The following CT55 variants were observed in gnomAD, a reference collection of about 807,000 sequenced individuals.
CT55 encodes BRCA2-interacting protein.
In CT55, 1 loss-of-function variant was observed where a neutral mutation model predicts 12.6. The observed-to-expected ratio is 0.08, with a 90% CI of 0.03 to 0.38. The LOEUF (loss-of-function observed/expected upper bound fraction) is 0.38. CT55 is among the 10% of genes least tolerant of loss of function. The probability of loss-of-function intolerance (pLI) is 0.99; values close to 1 mark genes in which losing one functional copy is unlikely to be tolerated. For synonymous variants in CT55, 43 were observed against 49.7 expected (o/e 0.87, Z 0.57); for missense variants, 109 against 135.4 (o/e 0.80, Z 0.97).
At chrX:135,165,826 T>C (rs2083581338) in intron 2 of CT55, among the ~76,000 whole-genome samples, 2 of 108,542 alleles carry the variant, frequency 1.8e-5, no homozygotes, top group African/African-American at 6.7e-5. Context: ...CTAGAAGAAA[T>C]GGCTACATTC....
chrX:135,160,443 C>A lies in CT55; in HGVS notation c.392G>T (p.Ser131Ile). ...INEDNIYISNSIYFSIAIVSE... is the reference protein window; with the variant it reads ...INEDNIYISNIIYFSIAIVSE... ...AACAATGGCTATGGAAAAATAAATG[C>A]TGTTACTAATATAAATATTATCTTC... The change falls in exon 3 of 6, where the codon AGC becomes ATC. Residue 131 changes from serine to isoleucine, a missense_variant. Transcript: ENST00000276241. 1 of 1,166,957 alleles carries A rather than the reference C, an allele frequency of 8.6e-7. No homozygotes were observed.
chrX:135,160,973 T>C (rs1190232555), intron 2 of CT55, among the ~76,000 whole-genome samples: 1 of 110,157 alleles, frequency 9.1e-6, no homozygotes, highest in Non-Finnish European at 1.9e-5. Context: ...AGGGAGAAAA[T>C]AGAAGCATTG....
At chrX:135,159,851 CAG>C (rs1452459027) in intron 3 of CT55, among the ~76,000 whole-genome samples, 1 of 110,894 alleles carries the variant, frequency 9.0e-6, no homozygotes, top group Non-Finnish European at 1.9e-5. Context: ...GTAGACAAAA[CAG>C]ACAAAAAAAT....
chrX:135,164,748 C>T (rs1282624119), intron 2 of CT55, among the ~76,000 whole-genome samples: 1 of 111,744 alleles, frequency 8.9e-6, no homozygotes, highest in Admixed American at 9.5e-5. Flanking sequence ...GATATTCTTC[C>T]ATGTAAAGGG....
intron 3 of CT55, among the ~76,000 whole-genome samples, chrX:135,158,544 AG>A (rs782691482): frequency 3.5e-5 from 4 of 112,691 alleles, no homozygotes; most frequent in African/African-American, 1.3e-4. Flanking sequence ...GAAAGTGTGA[AG>A]CATGCATCAC....
intron 2 of CT55, among the ~76,000 whole-genome samples, chrX:135,168,432 C>T (rs1383744006): frequency 9.0e-6 from 1 of 111,474 alleles, no homozygotes; most frequent in African/African-American, 3.3e-5. Context: ...GGTTACCAGA[C>T]GCTTGTGTTG....
chrX:135,171,332 C>T lies in CT55; in HGVS notation c.-161G>A, dbSNP rs1330588920. On this transcript the variant is annotated 5_prime_UTR_variant, in exon 1 of 6. Transcript: ENST00000276241. ...GGGACCCACCCGTTAGTGAGCCCCC[C>T]TCAGGAGAGTCAGGGACACCGCAGC... is the stretch of plus-strand genomic sequence containing the variant. The T allele has an allele frequency of 4.0e-6, 4 of 988,574 alleles. No homozygotes were observed. The highest frequency in any genetic ancestry group is 5.3e-6 in the Non-Finnish European group (4 of 752,369). 81.5% of individuals were successfully genotyped at this position (988,574 alleles called of 1,213,427 possible).
chrX:135,158,846 C>T (rs1556404633), intron 3 of CT55, among the ~76,000 whole-genome samples: 2 of 112,303 alleles, frequency 1.8e-5, no homozygotes, highest in Admixed American at 9.4e-5. Flanking sequence ...TCATCGCTGG[C>T]GCATAGCAAC....
chrX:135,159,468 C>T (rs192546114), intron 3 of CT55, among the ~76,000 whole-genome samples: 3 of 111,251 alleles, frequency 2.7e-5, no homozygotes, highest in South Asian at 3.8e-4. Flanking sequence ...CTCACAACTG[C>T]TCAAATCAAA....
In CT55 at chrX:135,158,344, G is replaced by A. The variant is rs199527703; in HGVS notation, c.425-33C>T. The A allele has an allele frequency of 3.6e-5, 33 of 904,900 alleles. No individual in the cohort carries two copies. In the East Asian group the frequency reaches 1.0e-3, roughly 28 times the overall value. The allele number at this position is 904,900 out of a possible 1,213,427, so 74.6% of individuals were successfully genotyped here. A position where few individuals can be genotyped will look rare whatever the true frequency, so the allele number is the denominator to read the frequency against. On this transcript the variant is annotated intron_variant, in intron 3 of 5. Coordinates refer to ENST00000276241, the MANE Select transcript of CT55 (RefSeq NM_001031705.3). ...AGCCATGGAGAAATGTGAGTGTCAT[G>A]ATCTCTTAACTAGGTCACTTTTAAT...
chrX:135,160,730 G>A (rs1199304512), intron 2 of CT55, among the ~76,000 whole-genome samples, 175 bp from the exon 3 acceptor site: 14 of 112,130 alleles, frequency 1.2e-4, no homozygotes, highest in African/African-American at 3.2e-4. Context: ...AGTCATGTGC[G>A]TGCTTCAAGA....
chrX:135,164,912 G>C (rs1556405738), intron 2 of CT55, among the ~76,000 whole-genome samples: 1 of 111,916 alleles, frequency 8.9e-6, no homozygotes, highest in African/African-American at 3.2e-5. Context: ...ACCCAACATA[G>C]CAGCACCTAA....
At chrX:135,166,170 T>C (rs1287790941) in intron 2 of CT55, among the ~76,000 whole-genome samples, 1 of 107,599 alleles carries the variant, frequency 9.3e-6, no homozygotes, top group Non-Finnish European at 1.9e-5. Flanking sequence ...AAAAACTACA[T>C]GCCAAAATTC....
intron 2 of CT55, among the ~76,000 whole-genome samples, chrX:135,166,500 A>C (rs1254708011): frequency 3.6e-5 from 4 of 111,954 alleles, no homozygotes; most frequent in African/African-American, 1.3e-4. Context: ...AGATAACATC[A>C]TACTGAATGG....
Position 135,171,059 on chromosome X carries a change from G to A in CT55, c.94+19C>T. 1.7e-6 allele frequency: 2 copies of A among 1,209,544 alleles called. No individual in the cohort carries two copies. Among genetic ancestry groups the A allele is most frequent in the Non-Finnish European group, 2.2e-6 (2 of 894,119 alleles). The stretch of plus-strand genomic sequence containing the variant: ...GGAGGCTTCTGGGGTGGGGGACAAG[G>A]GGACACACAGAGGAATACCTTGTGG... On this transcript the variant is annotated intron_variant, in intron 1 of 5. Coordinates refer to ENST00000276241, the MANE Select transcript of CT55 (RefSeq NM_001031705.3).
Position 135,171,165 on chromosome X carries a change from T to G in CT55, c.7A>C (p.Arg3=). ML[R]LLRLALAFYG... is the part of the protein sequence containing the mutation. ...AAGGCCAAAGCAAGTCTCAGAAGCC[T>G]GAGCATCGTCCCAGTTGTCACCACC... The change falls in exon 1 of 6, where the codon AGG becomes CGG. Residue 3 remains arginine, a synonymous_variant. Coordinates refer to ENST00000276241, the MANE Select transcript of CT55 (RefSeq NM_001031705.3). 2 of 1,211,611 alleles carry G rather than the reference T, an allele frequency of 1.7e-6. No homozygotes were observed. The highest frequency in any genetic ancestry group is 2.2e-6 in the Non-Finnish European group (2 of 895,355).
At chrX:135,171,441 A>C, upstream of CT55, 1 of 352,060 alleles carries the variant, frequency 2.8e-6, no homozygotes, top group Non-Finnish European at 4.6e-6. Flanking sequence ...CTGTCCAACC[A>C]ATGGGCGTGC....
rs374813883 is a variant in CT55, at chrX:135,171,069, G to A, written c.94+9C>T. 152 of 1,209,293 alleles carry A rather than the reference G, an allele frequency of 1.3e-4. No homozygotes were observed. Among genetic ancestry groups the A allele is most frequent in the Non-Finnish European group, 1.6e-4 (144 of 894,711 alleles). On this transcript the variant is annotated intron_variant, in intron 1 of 5. Transcript: ENST00000276241. Reference sequence around the variant, plus strand: ...GGGGTGGGGGACAAGGGGACACACAGAGGAATACCTTGTGGGAGGCCCTGC... The same window carrying A: ...GGGGTGGGGGACAAGGGGACACACAAAGGAATACCTTGTGGGAGGCCCTGC...
chrX:135,165,766 C>T (rs1441135552), intron 2 of CT55, among the ~76,000 whole-genome samples: 3 of 110,011 alleles, frequency 2.7e-5, no homozygotes, highest in South Asian at 7.9e-4. Context: ...CAAAACAAAA[C>T]GTATCATAAG....
Sources: gnomAD v4.1 joint callset for allele counts (sites outside exome capture counted in the v4.1 genomes callset) on GRCh38, gnomAD v4.1.1 for gene constraint, MANE v1.5 for transcripts, NCBI Gene and HGNC (gene_info 2026-07-23, HGNC 2026-07-21) for gene names.